The following MPDZ variants were observed in gnomAD, a reference collection of about 807,000 sequenced individuals.
MPDZ encodes multiple PDZ domain protein.
MPDZ carries 234 observed loss-of-function variants against 239.1 expected under a neutral mutation model. The observed-to-expected ratio is 0.98, with a 90% CI of 0.88 to 1.09. The LOEUF (loss-of-function observed/expected upper bound fraction) is 1.09, where lower values mean the gene tolerates loss of function less well. Ranked by LOEUF, MPDZ falls within the 50% of genes least tolerant of loss-of-function variation. The probability of loss-of-function intolerance (pLI) is 0.00; values close to 1 mark genes in which losing one functional copy is unlikely to be tolerated. For missense variants in MPDZ, 3,175 were observed against 2,510.0 expected (o/e 1.26, Z -5.66); for synonymous variants, 1,048 against 881.3 (o/e 1.19, Z -3.35).
chr9:13,269,163 G>C (rs1393710070), intron 1 of MPDZ, among the ~76,000 whole-genome samples: 1 of 152,126 alleles, frequency 6.6e-6, no homozygotes, highest in Non-Finnish European at 1.5e-5. Flanking sequence ...GAATGAGTGA[G>C]ACAAACAGAG....
chr9:13,247,633 A>G lies in MPDZ; in HGVS notation c.183+2T>C, dbSNP rs1372112570. 1.2e-6 allele frequency: 2 copies of G among 1,609,094 alleles called. No homozygotes were observed. The highest frequency in any genetic ancestry group is 2.2e-5 in the East Asian group (1 of 44,744). On this transcript the variant is annotated splice_donor_variant, in intron 3 of 46. Coordinates refer to ENST00000319217, the MANE Select transcript of MPDZ (RefSeq NM_001378778.1). LOFTEE classifies it high-confidence loss of function. ...TGCCTGCTTGGGTGAATGATGTCCTACCTGGTCTTTCAGCTGCTGTACAGA... is the reference window on the plus strand; with the variant it reads ...TGCCTGCTTGGGTGAATGATGTCCTGCCTGGTCTTTCAGCTGCTGTACAGA...
chr9:13,161,112 T>G (rs1194725405), intron 23 of MPDZ, among the ~76,000 whole-genome samples: 8 of 151,706 alleles, frequency 5.3e-5, no homozygotes, highest in Non-Finnish European at 1.0e-4. Flanking sequence ...GACCATGCCA[T>G]TCCTTCCCTT....
rs1224748613 is a variant in MPDZ at position 13,121,716 on chromosome 9, G to C, written c.5231+23C>G. On this transcript the variant is annotated intron_variant, in intron 38 of 46. Transcript: ENST00000319217. ...GTCCCATCATTTCCAAGGGAGCATT[G>C]GGTTTGTCCTCCTCAATCACACCTT... 2.5e-6 allele frequency: 4 copies of C among 1,611,912 alleles called. No individual in the cohort carries two copies. The African/African-American group carries it at 4.0e-5, about 16-fold the overall frequency.
chr9:13,189,817 T>A (rs951367310), intron 16 of MPDZ, among the ~76,000 whole-genome samples: 1 of 152,116 alleles, frequency 6.6e-6, no homozygotes, highest in Non-Finnish European at 1.5e-5. Context: ...ATATGAGTCA[T>A]CAAATAAGCC....
intron 34 of MPDZ, 30 bp downstream of exon 34, chr9:13,126,486 A>G (rs774698993): frequency 6.7e-7 from 1 of 1,481,910 alleles, no homozygotes; most frequent in Non-Finnish European, 9.2e-7. Flanking sequence ...ATGGGCCTAC[A>G]TTACCATTTA....
chr9:13,240,226 TAC>T (rs994348855), intron 3 of MPDZ, among the ~76,000 whole-genome samples: 2 of 151,976 alleles, frequency 1.3e-5, no homozygotes, highest in African/African-American at 4.8e-5. Context: ...AATAAAGCCT[TAC>T]AGAGAAGTAT....
Position 13,162,680 on chromosome 9 carries a change from G to T in MPDZ, c.3359+11C>A, listed in dbSNP as rs185116703. ...TACCATTCATTGTATTAGATTTAATGTTTCACTTACCTGCCAGTGTATGAA... is the reference window on the plus strand; with the variant it reads ...TACCATTCATTGTATTAGATTTAATTTTTCACTTACCTGCCAGTGTATGAA... On this transcript the variant is annotated intron_variant, in intron 23 of 46. Coordinates refer to ENST00000319217, the MANE Select transcript of MPDZ (RefSeq NM_001378778.1). 1,215 of 1,564,918 alleles carry T rather than the reference G, an allele frequency of 7.8e-4. 8 individuals are homozygous for T. The African/African-American group carries it at 0.014, about 18-fold the overall frequency.
At chr9:13,145,583 C>T (rs1471934773) in intron 26 of MPDZ, among the ~76,000 whole-genome samples, 4 of 151,924 alleles carry the variant, frequency 2.6e-5, no homozygotes, top group African/African-American at 7.3e-5. Context: ...CTAATTATTT[C>T]CATAAGGAAG....
chr9:13,231,072 A>T (rs533774873), intron 3 of MPDZ, among the ~76,000 whole-genome samples: 5 of 152,286 alleles, frequency 3.3e-5, no homozygotes, highest in Non-Finnish European at 7.4e-5. Context: ...CAAAAAGTTG[A>T]TCTTTGAGAC....
intron 8 of MPDZ, among the ~76,000 whole-genome samples, chr9:13,218,739 A>C (rs1958680950): frequency 6.6e-6 from 1 of 151,936 alleles, no homozygotes; most frequent in Non-Finnish European, 1.5e-5. Context: ...AGAATATAGG[A>C]CGTGTATTTA....
intron 3 of MPDZ, among the ~76,000 whole-genome samples, chr9:13,241,853 G>C (rs1472741284): frequency 4.6e-5 from 7 of 152,124 alleles, no homozygotes; most frequent in Non-Finnish European, 1.0e-4. Flanking sequence ...ACAGAATAAA[G>C]ACTCCTCAGA....
intron 42 of MPDZ, 67 bp from the exon 43 acceptor site, chr9:13,112,213 T>C: frequency 6.8e-7 from 1 of 1,470,628 alleles, no homozygotes; most frequent in Non-Finnish European, 9.2e-7. Context: ...GTTTATTCTT[T>C]GGCATGATAT....
chr9:13,169,705 A>G (rs1010812737), intron 21 of MPDZ, among the ~76,000 whole-genome samples: 7 of 152,160 alleles, frequency 4.6e-5, no homozygotes, highest in African/African-American at 1.7e-4. Flanking sequence ...GCAACTCTTC[A>G]ATAGTTTCCT....
At chr9:13,110,826 A>C (rs1586857374) in intron 43 of MPDZ, 86 bp from the exon 44 acceptor site, 24 of 839,092 alleles carry the variant, frequency 2.9e-5, no homozygotes, top group East Asian at 5.3e-5. Flanking sequence ...TTCCTTCTCC[A>C]CCTTCCACAT....
At chr9:13,234,819 T>C (rs1334318603) in intron 3 of MPDZ, among the ~76,000 whole-genome samples, 1 of 5,038 alleles carries the variant, frequency 2.0e-4, no homozygotes, top group Non-Finnish European at 7.4e-4. Context: ...AATGCAGAAT[T>C]TTTTTTTTTA....
In MPDZ at chr9:13,105,832, C is replaced by T. The variant is rs1359311494; in HGVS notation, c.*1133G>A. 1 of 152,140 alleles carries T rather than the reference C, an allele frequency of 6.6e-6. No individual in the cohort carries two copies. The highest frequency in any genetic ancestry group is 6.5e-5 in the Admixed American group (1 of 15,274). 9.4% of individuals were successfully genotyped at this position (152,140 alleles called of 1,614,324 possible). On this transcript the variant is annotated 3_prime_UTR_variant, in exon 47 of 47. Transcript: ENST00000319217. ...GATATTTAAAGTGACTTTATATATT[C>T]TAATGTAGGAGTTTCACGCTCTAAA...
chr9:13,185,285 A>C (rs1953942602), intron 18 of MPDZ, among the ~76,000 whole-genome samples: 1 of 152,090 alleles, frequency 6.6e-6, no homozygotes, highest in South Asian at 2.1e-4. Context: ...TAAAAATATT[A>C]GCAAAAGGAA....
intron 12 of MPDZ, among the ~76,000 whole-genome samples, chr9:13,201,200 T>TAAGTA (rs1956348387): frequency 6.6e-6 from 1 of 152,112 alleles, no homozygotes; most frequent in Non-Finnish European, 1.5e-5. Flanking sequence ...TGTTCTTCAC[T>TAAGTA]TAGCCTATTT....
chr9:13,168,471 A>G lies in MPDZ; in HGVS notation c.3149T>C (p.Ile1050Thr), dbSNP rs147599150. Reference protein sequence around the residue: ...GAISRDGRIAIGDCILSINEE... With the variant: ...GAISRDGRIATGDCILSINEE... Reference sequence around the variant, plus strand: ...ATTAATGGACAAGATGCAGTCCCCAATGGCAATCCGGCCATCTCGACTAAT... The same window carrying G: ...ATTAATGGACAAGATGCAGTCCCCAGTGGCAATCCGGCCATCTCGACTAAT... Residue 1050 changes from isoleucine (I) to threonine (T), a missense_variant, in exon 22 of 47, where the codon ATT (isoleucine) becomes ACT (threonine). Physicochemically the swap from Ile to Thr is moderately conservative, Grantham distance 89. Coordinates refer to ENST00000319217, the MANE Select transcript of MPDZ (RefSeq NM_001378778.1). 2.4e-4 allele frequency: 381 copies of G among 1,613,556 alleles called. No individual in the cohort carries two copies. The highest frequency in any genetic ancestry group is 8.3e-4 in the South Asian group (76 of 91,056).
Sources: gnomAD v4.1 joint callset for allele counts (sites outside exome capture counted in the v4.1 genomes callset) on GRCh38, gnomAD v4.1.1 for gene constraint, MANE v1.5 for transcripts, NCBI Gene and HGNC (gene_info 2026-07-23, HGNC 2026-07-21) for gene names.